Variants in ENPP6 observed in about 807,000 individuals in gnomAD.
ENPP6 encodes the protein glycerophosphocholine cholinephosphodiesterase ENPP6.
ENPP6 carries 32 observed loss-of-function variants against 42.0 expected under a neutral mutation model. The observed-to-expected ratio is 0.76, with a 90% confidence interval of 0.58 to 1.02. The LOEUF is 1.02. Among genes scored for constraint, ENPP6 ranks in the 50% least tolerant of loss-of-function variants. The pLI is 0.00. For missense variants in ENPP6, 552 were observed against 566.8 expected, an observed-to-expected ratio of 0.97 and a Z score of 0.27; for synonymous variants, 213 against 216.0, an observed-to-expected ratio of 0.99 and a Z score of 0.12.
chr4:184,116,273 T>C (rs1480291243), intron 5 of ENPP6, among the ~76,000 whole-genome samples: 2 of 152,106 alleles, frequency 1.3e-5, no homozygotes, highest in Non-Finnish European at 2.9e-5. Context: ...GATGCTTCCT[T>C]GATCTCATTT....
At chr4:184,110,722 A>G (rs925332465) in intron 6 of ENPP6, among the ~76,000 whole-genome samples, 2 of 152,236 alleles carry the variant, frequency 1.3e-5, no homozygotes, top group African/African-American at 4.8e-5. Context: ...TGCTTGGGGC[A>G]TGATATAATT....
At chr4:184,097,175 C>T (rs1324926424) in intron 7 of ENPP6, 70 bp downstream of exon 7, 2 of 1,596,778 alleles carry the variant, frequency 1.3e-6, no homozygotes, top group Non-Finnish European at 8.6e-7. Context: ...TCTCCTGGCA[C>T]CCGTAGCCCC....
chr4:184,200,189 G>C (rs1579662312), intron 1 of ENPP6, among the ~76,000 whole-genome samples: 1 of 152,222 alleles, frequency 6.6e-6, no homozygotes, highest in East Asian at 1.9e-4. Flanking sequence ...GACACCCTTA[G>C]AGCCTCTGCC....
rs1176989518 is a variant in ENPP6, at chr4:184,184,807, A to C, written c.242-31074T>G. ...AGTCATAGAACAGATTCTCCCTCGG[A>C]GCACCGAGAAGGCAAAACCCTTGAT... is the stretch of plus-strand genomic sequence containing the variant. On this transcript the variant is annotated intron_variant, in intron 1 of 7. Transcript: ENST00000296741. This position sits in a 1 kb window ranked among gnomAD's most constrained non-coding sequence, Gnocchi z 4.7. Among the ~76,000 whole-genome samples the C allele has an allele frequency of 6.6e-6, 1 of 152,154 alleles. No homozygotes were observed. Among genetic ancestry groups the C allele is most frequent in the Non-Finnish European group, 1.5e-5 (1 of 68,020 alleles).
In ENPP6 at chr4:184,117,857, C is replaced by T; in HGVS notation, c.577G>A (p.Asp193Asn). 6.2e-7 allele frequency: 1 copy of T among 1,614,224 alleles called. No homozygotes were observed. Among genetic ancestry groups the T allele is most frequent in the Non-Finnish European group, 8.5e-7 (1 of 1,180,044 alleles). Residue 193 changes from aspartate (D) to asparagine (N), a missense_variant, in exon 4 of 8, where the codon GAC becomes AAC. By Grantham distance (23) the Asp-to-Asn change is conservative. Transcript: ENST00000296741. ...GGCCCGTAGTGGTGGCCTTCCACGT[C>T]AATGCGCTCATGGTATATGGCTGCC... The part of the protein sequence containing the change: ...DLAAIYHERI[D>N]VEGHHYGPAS...
At chr4:184,105,766 C>T (rs1453116584) in intron 6 of ENPP6, among the ~76,000 whole-genome samples, 3 of 152,174 alleles carry the variant, frequency 2.0e-5, no homozygotes, top group African/African-American at 7.2e-5. Flanking sequence ...ATAGGGAGCT[C>T]TTTCCAAAGT....
At chr4:184,131,796 AAC>A (rs140275578) in intron 2 of ENPP6, among the ~76,000 whole-genome samples, 141 of 140,614 alleles carry the variant, frequency 1.0e-3, no homozygotes, top group African/African-American at 2.5e-3. Context: ...GGACCAATAG[AAC>A]ACACACACAC....
At chr4:184,131,411 T>C (rs1233430161) in intron 2 of ENPP6, among the ~76,000 whole-genome samples, 1 of 150,964 alleles carries the variant, frequency 6.6e-6, no homozygotes, top group Admixed American at 6.6e-5. Context: ...TGGAGTGCAG[T>C]GGAGTGATCT....
Position 184,193,687 on chromosome 4 carries a change from A to G in ENPP6, c.241+23892T>C, listed in dbSNP as rs6832070. On this transcript the variant is annotated intron_variant, in intron 1 of 7. Transcript: ENST00000296741. ...TAAAAGATCAGTTGAGATCACCACT[A>G]TAGATCCATATATGGGATCTAATTA... 0.042 allele frequency among the ~76,000 whole-genome samples: 6,345 copies of G among 152,294 alleles called. 782 individuals carry two copies. The East Asian group carries it at 0.51, about 12-fold the overall frequency.
intron 2 of ENPP6, among the ~76,000 whole-genome samples, chr4:184,153,068 A>G: frequency 6.6e-6 from 1 of 151,868 alleles, no homozygotes; most frequent in Admixed American, 6.6e-5. Context: ...CTCTGGTCTG[A>G]TGTTAGAGAG....
chr4:184,146,995 G>A (rs939558746), intron 2 of ENPP6, among the ~76,000 whole-genome samples: 6 of 152,048 alleles, frequency 3.9e-5, no homozygotes, highest in Admixed American at 6.6e-5. Context: ...CCTCTGATGC[G>A]TCATTGAGTC....
intron 3 of ENPP6, among the ~76,000 whole-genome samples, chr4:184,120,233 C>T (rs1736394419): frequency 6.6e-6 from 1 of 152,138 alleles, no homozygotes; most frequent in African/African-American, 2.4e-5. Flanking sequence ...GGAGGAGGGT[C>T]CAGGCCAGGA....
chr4:184,122,534 T>C (rs1736435076), intron 3 of ENPP6, among the ~76,000 whole-genome samples: 1 of 151,880 alleles, frequency 6.6e-6, no homozygotes, highest in Non-Finnish European at 1.5e-5. Context: ...CCCCGCTGCA[T>C]GCTGGTGTCT....
At chr4:184,206,505 CTCG>C (rs1353222338) in intron 1 of ENPP6, among the ~76,000 whole-genome samples, 1 of 151,320 alleles carries the variant, frequency 6.6e-6, no homozygotes, top group South Asian at 2.1e-4. Context: ...ATCCGCCCGT[CTCG>C]GCCTCCCAAA....
At chr4:184,172,831 T>C (rs1464685559) in intron 1 of ENPP6, among the ~76,000 whole-genome samples, 2 of 152,206 alleles carry the variant, frequency 1.3e-5, no homozygotes, top group Admixed American at 6.5e-5. Flanking sequence ...GTGGCGTGCA[T>C]ACCAGCGAGA....
At chr4:184,128,877 A>G (rs1736548619) in intron 2 of ENPP6, among the ~76,000 whole-genome samples, 1 of 152,246 alleles carries the variant, frequency 6.6e-6, no homozygotes. Flanking sequence ...TTTGTAGGCC[A>G]CAATTGCATA....
rs556715897 is a variant in ENPP6, at chr4:184,216,116, G to A, written c.241+1463C>T. On this transcript the variant is annotated intron_variant, in intron 1 of 7. Coordinates refer to ENST00000296741, the MANE Select transcript of ENPP6 (RefSeq NM_153343.4). ...TGGGTCCCCTGGCAAGGCTCTGAAA[G>A]ACAGCTGGAGTGGGGGTGGGCTGTG... Among the ~76,000 whole-genome samples the A allele has an allele frequency of 2.0e-5, 3 of 152,348 alleles. No individual in the cohort carries two copies. In the South Asian group the frequency reaches 6.2e-4, roughly 32 times the overall value.
chr4:184,157,479 T>TCTTTCCTTC (rs1200972075), intron 1 of ENPP6, among the ~76,000 whole-genome samples: 2 of 151,614 alleles, frequency 1.3e-5, no homozygotes, highest in Admixed American at 1.3e-4. Flanking sequence ...TCCTTTCCTT[T>TCTTTCCTTC]CTTTCCTTCC....
At chr4:184,185,802 A>T (rs1017347044) in intron 1 of ENPP6, among the ~76,000 whole-genome samples, 2 of 152,198 alleles carry the variant, frequency 1.3e-5, no homozygotes, top group African/African-American at 4.8e-5. Flanking sequence ...TGGCAACCAA[A>T]CGTACTGCTT....
Sources: gnomAD v4.1 joint callset for allele counts (sites outside exome capture counted in the v4.1 genomes callset) on GRCh38, gnomAD v4.1.1 for gene constraint, Gnocchi (gnomAD v3.1) non-coding constraint, MANE v1.5 for transcripts, NCBI Gene and HGNC (gene_info 2026-07-23, HGNC 2026-07-21) for gene names.